The following KDM4A variants were observed in gnomAD, a reference collection of about 807,000 sequenced individuals.
The protein encoded by KDM4A is lysine demethylase 4A, also known as lysine-specific demethylase 4A.
KDM4A carries 23 observed loss-of-function variants against 127.1 expected under a neutral mutation model. The ratio of observed to expected loss-of-function variants is 0.18; its 90% CI spans 0.13 to 0.26. KDM4A has a LOEUF of 0.26. Among genes scored for constraint, KDM4A ranks in the 10% least tolerant of loss-of-function variants. KDM4A has a pLI of 1.00. For synonymous variants in KDM4A, 443 were observed against 466.5 expected (o/e 0.95, Z 0.65); for missense variants, 890 against 1,329.1 (o/e 0.67, Z 5.14).
intron 11 of KDM4A, 130 bp downstream of exon 11, chr1:43,672,005 C>A: frequency 9.7e-7 from 1 of 1,025,950 alleles, no homozygotes; most frequent in Non-Finnish European, 1.3e-6. Context: ...GAGAGACCCT[C>A]AGTCAGTGCC....
At chr1:43,657,169 T>C (rs481547) in intron 3 of KDM4A, among the ~76,000 whole-genome samples, 4,018 of 152,214 alleles carry the variant, frequency 0.026, 182 homozygotes, top group African/African-American at 0.092. Flanking sequence ...ATTATAGGCA[T>C]GAGCCACTGC....
In KDM4A at chr1:43,672,948, C is replaced by T. The variant is rs931471633; in HGVS notation, c.1734+1073C>T. On this transcript the variant is annotated intron_variant, in intron 11 of 21. Transcript: ENST00000372396. The stretch of plus-strand genomic sequence containing the variant: ...TTGAAATTCAAGGGTTTTTTTCTTA[C>T]ACCTCTTGACTGCCCTGTAGACTCC... 2.6e-5 allele frequency among the ~76,000 whole-genome samples: 4 copies of T among 152,152 alleles called. No homozygotes were observed. In the East Asian group the frequency reaches 7.7e-4, roughly 29 times the overall value.
At chr1:43,662,303 T>C (rs889013083) in intron 4 of KDM4A, among the ~76,000 whole-genome samples, 2 of 152,052 alleles carry the variant, frequency 1.3e-5, no homozygotes, top group African/African-American at 4.8e-5. Context: ...ACTTTTCCTC[T>C]TGGGGTTTCA....
At chr1:43,672,936 G>A (rs1414544273) in intron 11 of KDM4A, among the ~76,000 whole-genome samples, 3 of 152,092 alleles carry the variant, frequency 2.0e-5, no homozygotes, top group Non-Finnish European at 2.9e-5. Flanking sequence ...AAATTCAAGG[G>A]TTTTTTTCTT....
At chr1:43,657,745 CTTTTCTTTTTTT>C (rs1319151596) in intron 3 of KDM4A, among the ~76,000 whole-genome samples, 9 of 135,650 alleles carry the variant, frequency 6.6e-5, no homozygotes, top group Non-Finnish European at 9.2e-5. Flanking sequence ...AAGGCTTTTT[CTTTTCTTTTTTT>C]TTTTTTTTTT....
chr1:43,676,524 T>C (rs1444395878), intron 11 of KDM4A, among the ~76,000 whole-genome samples: 6 of 152,126 alleles, frequency 3.9e-5, no homozygotes, highest in African/African-American at 1.4e-4. Flanking sequence ...TTTCACCATC[T>C]TGGCCAGGCT....
intron 4 of KDM4A, among the ~76,000 whole-genome samples, chr1:43,661,636 A>G (rs887128559): frequency 6.6e-6 from 1 of 151,360 alleles, no homozygotes; most frequent in Admixed American, 6.6e-5. Context: ...AAAAAAAAAA[A>G]AAAAGAATTC....
chr1:43,704,208 T>TG, intron 21 of KDM4A, 22 bp from the exon 22 acceptor site: 1 of 1,613,932 alleles, frequency 6.2e-7, no homozygotes, highest in Non-Finnish European at 8.5e-7. Flanking sequence ...AGCTGACACT[T>TG]GGCTTGCTTA....
intron 12 of KDM4A, among the ~76,000 whole-genome samples, chr1:43,687,332 A>G (rs1334837405): frequency 1.3e-5 from 2 of 152,238 alleles, no homozygotes; most frequent in African/African-American, 4.8e-5. Context: ...ACCTAATGGA[A>G]GTACAGACCA....
intron 5 of KDM4A, 122 bp downstream of exon 5, chr1:43,663,209 C>A: frequency 1.2e-6 from 1 of 817,408 alleles, no homozygotes; most frequent in Non-Finnish European, 1.9e-6. Context: ...CTTGGGGTGA[C>A]ATTCCATGTT....
At chr1:43,669,075 A>G (rs769601407) in intron 9 of KDM4A, 25 bp from the exon 10 acceptor site, 2 of 1,613,438 alleles carry the variant, frequency 1.2e-6, no homozygotes, top group Non-Finnish European at 1.7e-6. Context: ...GTGGGCTCTT[A>G]AAAGATTTGC....
In KDM4A at chr1:43,669,190, G is replaced by A. The variant is rs375834594; in HGVS notation, c.1254G>A (p.Glu418=). 6.2e-7 allele frequency: 1 copy of A among 1,614,228 alleles called. No homozygotes were observed. The highest frequency in any genetic ancestry group is 8.5e-7 in the Non-Finnish European group (1 of 1,180,040). The change falls in exon 10 of 22, where the codon GAG becomes GAA. Residue 418 remains glutamate, a synonymous_variant. Coordinates refer to ENST00000372396, the MANE Select transcript of KDM4A (RefSeq NM_014663.3). ...GTCAGAGTGAGCTCTTCCCCAAGGA[G>A]GATCTGAGTTCTGAGCAGTATGAGA... ...EVSQSELFPK[E]DLSSEQYEMT... is the part of the protein sequence containing the mutation.
At chr1:43,702,295 T>C (rs986690421) in intron 19 of KDM4A, 1 of 152,332 alleles carries the variant, frequency 6.6e-6, no homozygotes, top group African/African-American at 2.4e-5. Context: ...ATCAAACATT[T>C]GAGTAGTTAA....
intron 13 of KDM4A, among the ~76,000 whole-genome samples, chr1:43,689,795 C>G (rs1661067710): frequency 6.6e-6 from 1 of 152,214 alleles, no homozygotes; most frequent in Non-Finnish European, 1.5e-5. Context: ...GTTAAAGTGG[C>G]ATGGCTGCCG....
chr1:43,665,062 C>G (rs973637573), intron 5 of KDM4A, among the ~76,000 whole-genome samples: 1 of 152,124 alleles, frequency 6.6e-6, no homozygotes, highest in African/African-American at 2.4e-5. Context: ...AACAATTTTG[C>G]AAAAGTTTAA....
At chr1:43,697,777 T>C (rs1369634705) in intron 18 of KDM4A, 66 bp from the exon 19 acceptor site, 3 of 1,432,078 alleles carry the variant, frequency 2.1e-6, no homozygotes, top group Non-Finnish European at 2.9e-6. Flanking sequence ...CTAATTGATC[T>C]TCATCTCCAT....
Position 43,692,324 on chromosome 1 carries a change from A to T in KDM4A, c.2375+13A>T. On this transcript the variant is annotated intron_variant, in intron 16 of 21. Transcript: ENST00000372396. ...CAAATGATGACAGGTAAGTTTCCTG[A>T]GCAGTGCCTTGGAATGCACAGGCTC... 1.2e-6 allele frequency: 2 copies of T among 1,612,054 alleles called. No individual in the cohort carries two copies. Among genetic ancestry groups the T allele is most frequent in the Non-Finnish European group, 1.7e-6 (2 of 1,178,422 alleles).
chr1:43,701,113 G>T (rs1440433321), intron 19 of KDM4A, among the ~76,000 whole-genome samples: 2 of 151,748 alleles, frequency 1.3e-5, no homozygotes, highest in Admixed American at 6.6e-5. Flanking sequence ...AGTAGAGAGG[G>T]TTTCCCCATG....
At chr1:43,668,611 C>T (rs984913139) in intron 9 of KDM4A, among the ~76,000 whole-genome samples, 2 of 152,108 alleles carry the variant, frequency 1.3e-5, no homozygotes, top group Admixed American at 6.6e-5. Flanking sequence ...AGGTCGGGCT[C>T]CCTCTGAGCC....
Sources: allele counts gnomAD v4.1 joint callset (sites outside exome capture counted in the v4.1 genomes callset), GRCh38; gene constraint gnomAD v4.1.1; transcripts MANE v1.5; gene names NCBI Gene and HGNC (gene_info 2026-07-23, HGNC 2026-07-21).